Variants in PCDH11X observed in about 807,000 individuals in gnomAD.
PCDH11X encodes protocadherin 11 X-linked, also known as protocadherin-11 X-linked.
Under a neutral mutation model 53.3 loss-of-function variants are expected in PCDH11X, and 18 were observed. That is an observed-to-expected ratio of 0.34 (90% CI 0.23 to 0.50). PCDH11X has a LOEUF of 0.50. PCDH11X is among the 20% of genes least tolerant of loss of function. The pLI is 0.98. For synonymous variants in PCDH11X, 279 were observed against 393.3 expected (o/e 0.71, Z 3.44); for missense variants, 570 against 1,032.4 (o/e 0.55, Z 6.14).
chrX:92,288,130 C>A (rs1201172565), intron 8 of PCDH11X: 4 of 401,532 alleles, frequency 1.0e-5, no homozygotes, highest in Non-Finnish European at 1.7e-5. Context: ...TGAGAACAGA[C>A]TAATACACGA....
chrX:92,079,998 A>G (rs1028160519), intron 6 of PCDH11X, among the ~76,000 whole-genome samples: 2 of 111,549 alleles, frequency 1.8e-5, no homozygotes, highest in African/African-American at 6.5e-5. Flanking sequence ...TAGTCAGTTG[A>G]CCTTAAAGTA....
chrX:92,457,597 T>A (rs1424019272), intron 9 of PCDH11X, among the ~76,000 whole-genome samples: 1 of 108,884 alleles, frequency 9.2e-6, no homozygotes, highest in African/African-American at 3.3e-5. Flanking sequence ...TTTCATCTCC[T>A]TAAATATTTT....
chrX:92,458,343 A>G (rs2072956444), intron 9 of PCDH11X, among the ~76,000 whole-genome samples: 1 of 99,483 alleles, frequency 1.0e-5, no homozygotes, highest in Admixed American at 1.1e-4. Flanking sequence ...AGAACACATC[A>G]TCTCAAGCCT....
At chrX:92,599,002 G>A (rs1300317512) in intron 10 of PCDH11X, among the ~76,000 whole-genome samples, 1 of 110,672 alleles carries the variant, frequency 9.0e-6, no homozygotes, top group African/African-American at 3.3e-5. Context: ...TTGAACTCAT[G>A]GAGATAGAGT....
chrX:92,390,162 A>AT (rs1199742152), intron 9 of PCDH11X, among the ~76,000 whole-genome samples: 2 of 110,562 alleles, frequency 1.8e-5, no homozygotes, highest in African/African-American at 6.6e-5. Context: ...TTTAAATGTT[A>AT]TTTTTTTACT....
At chrX:92,282,059 G>A (rs1327936976) in intron 8 of PCDH11X, among the ~76,000 whole-genome samples, 1 of 110,826 alleles carries the variant, frequency 9.0e-6, no homozygotes, top group African/African-American at 3.3e-5. Context: ...AGAAAAACAA[G>A]AAGAGGAGCA....
intron 8 of PCDH11X, among the ~76,000 whole-genome samples, chrX:92,379,364 G>A (rs4893319): frequency 0.12 from 13,788 of 112,574 alleles, 1,222 homozygotes; most frequent in East Asian, 0.62. Context: ...AGCTTTTGGC[G>A]GTGCTGACAT....
intron 6 of PCDH11X, chrX:91,983,560 C>T (rs2905859): frequency 0.013 from 5,914 of 456,720 alleles, 67 homozygotes; most frequent in African/African-American, 0.046. Context: ...CCGGGGCTGC[C>T]GTGCGGAGGC....
intron 10 of PCDH11X, among the ~76,000 whole-genome samples, chrX:92,579,498 A>G (rs892831467): frequency 8.1e-5 from 9 of 110,668 alleles, no homozygotes; most frequent in African/African-American, 3.0e-4. Flanking sequence ...TGGCAAGATA[A>G]TCTTCAAACT....
intron 6 of PCDH11X, among the ~76,000 whole-genome samples, chrX:91,953,991 T>C (rs1230286395): frequency 4.5e-5 from 5 of 110,581 alleles, no homozygotes; most frequent in Non-Finnish European, 9.5e-5. Flanking sequence ...CAGGAGTATA[T>C]TGCAGGATGT....
chrX:91,927,733 G>A (rs999094420), intron 6 of PCDH11X, among the ~76,000 whole-genome samples: 4 of 111,372 alleles, frequency 3.6e-5, no homozygotes, highest in Admixed American at 9.6e-5. Flanking sequence ...TTTCTGAGAA[G>A]TTCCCCCATT....
chrX:92,154,465 A>G lies in PCDH11X; in HGVS notation c.3034-46910A>G, dbSNP rs1334800277. On this transcript the variant is annotated intron_variant, in intron 6 of 10. Coordinates refer to ENST00000682573, the MANE Select transcript of PCDH11X (RefSeq NM_032968.5). The stretch of plus-strand genomic sequence containing the variant: ...AGTGGGGCAGGGAAACTCTGCGTAG[A>G]GAAAAGCATGTCCCTGGCTAGGGCT... Among the ~76,000 whole-genome samples the G allele has an allele frequency of 7.5e-5, 8 of 107,214 alleles. No individual in the cohort carries two copies. In the East Asian group the frequency reaches 2.4e-3, roughly 32 times the overall value. The allele number at this position is 107,214 out of a possible 115,157, so 93.1% of individuals were successfully genotyped here.
intron 10 of PCDH11X, among the ~76,000 whole-genome samples, chrX:92,541,055 C>G (rs909978503): frequency 5.4e-5 from 6 of 111,034 alleles, no homozygotes; most frequent in African/African-American, 2.0e-4. Context: ...CAGCTGGTGT[C>G]TTCCTAGGTC....
rs113596660 is a variant in PCDH11X, at chrX:92,484,953, T to A, written c.3367+16631T>A. On this transcript the variant is annotated intron_variant, in intron 10 of 10. Coordinates refer to ENST00000682573, the MANE Select transcript of PCDH11X (RefSeq NM_032968.5). Reference sequence around the variant, plus strand: ...GAATATTCTTAAATTGTATTAAAACTGATTTCTATCAAAGACCAATATAAA... The same window carrying A: ...GAATATTCTTAAATTGTATTAAAACAGATTTCTATCAAAGACCAATATAAA... Among the ~76,000 whole-genome samples the A allele has an allele frequency of 6.6e-3, 730 of 110,872 alleles. 7 individuals carry two copies. The highest frequency in any genetic ancestry group is 0.023 in the African/African-American group (694 of 30,672).
chrX:92,368,744 C>T (rs1228182706), intron 8 of PCDH11X, among the ~76,000 whole-genome samples: 1 of 110,097 alleles, frequency 9.1e-6, no homozygotes, highest in Non-Finnish European at 1.9e-5. Flanking sequence ...TTTCTTCTAA[C>T]AAGCAGGCCT....
chrX:92,375,169 T>TTTTTTTTTC (rs2070720938), intron 8 of PCDH11X, among the ~76,000 whole-genome samples: 8 of 29,002 alleles, frequency 2.8e-4, no homozygotes, highest in Non-Finnish European at 3.7e-4. Context: ...TATATATATT[T>TTTTTTTTTC]TTTTTTTTTT....
In PCDH11X at chrX:91,878,024, C is replaced by T. The variant is rs1380647668; in HGVS notation, c.1784C>T (p.Thr595Ile). The change falls in exon 6 of 11, where the codon ACT (threonine) becomes ATT (isoleucine). Residue 595 changes from threonine (T) to isoleucine (I), a missense_variant. This residue lies in a region of PCDH11X where 226 missense variants were observed against 457.5 expected (regional missense o/e 0.49). Coordinates refer to ENST00000682573, the MANE Select transcript of PCDH11X (RefSeq NM_032968.5). ...GGTACAGTAGGACTAATCACTGTAA[C>T]TGATCCTGATTATGGAGACAATTCT... Reference protein sequence around the residue: ...RHGTVGLITVTDPDYGDNSAV... With the variant: ...RHGTVGLITVIDPDYGDNSAV... 1.7e-6 allele frequency: 2 copies of T among 1,210,340 alleles called. No homozygotes were observed. Among genetic ancestry groups the T allele is most frequent in the Non-Finnish European group, 1.1e-6 (1 of 895,024 alleles).
At chrX:92,024,928 C>CTAT (rs991440482) in intron 6 of PCDH11X, among the ~76,000 whole-genome samples, 4 of 110,015 alleles carry the variant, frequency 3.6e-5, no homozygotes, top group African/African-American at 1.3e-4. Context: ...AAAGGATTCC[C>CTAT]TATTTAATAA....
rs1315839170 is a variant in PCDH11X, at chrX:92,341,015, A to G, written c.3145-46720A>G. Among the ~76,000 whole-genome samples the G allele has an allele frequency of 5.4e-5, 6 of 111,674 alleles. No homozygotes were observed. In the East Asian group the frequency reaches 1.1e-3, roughly 21 times the overall value. Reference sequence around the variant, plus strand: ...TAGGAGCAGGCACAGCACTTCTTGGACACTTGCTGCTAGAACTTTCTTCTG... The same window carrying G: ...TAGGAGCAGGCACAGCACTTCTTGGGCACTTGCTGCTAGAACTTTCTTCTG... On this transcript the variant is annotated intron_variant, in intron 8 of 10. Coordinates refer to ENST00000682573, the MANE Select transcript of PCDH11X (RefSeq NM_032968.5).
Sources: allele counts gnomAD v4.1 joint callset (sites outside exome capture counted in the v4.1 genomes callset), GRCh38; gene constraint gnomAD v4.1.1; regional missense constraint gnomAD v4.1.1; transcripts MANE v1.5; gene names NCBI Gene and HGNC (gene_info 2026-07-23, HGNC 2026-07-21).